The following TP53I11 variants were observed in gnomAD, a reference collection of about 807,000 sequenced individuals.
TP53I11 encodes the protein tumor protein p53 inducible protein 11.
Under a neutral mutation model 23.3 loss-of-function variants are expected in TP53I11, and 9 were observed. That is an observed-to-expected ratio of 0.39 (90% CI 0.23 to 0.67). The LOEUF (loss-of-function observed/expected upper bound fraction) is 0.67, where lower values mean the gene tolerates loss of function less well. Ranked by LOEUF, TP53I11 falls within the 30% of genes least tolerant of loss-of-function variation. TP53I11 has a pLI of 0.48. For synonymous variants in TP53I11, 100 were observed against 106.1 expected, an observed-to-expected ratio of 0.94 and a Z score of 0.35; for missense variants, 170 against 255.2, an observed-to-expected ratio of 0.67 and a Z score of 2.27.
chr11:44,935,196 G>A lies in TP53I11; in HGVS notation c.437-179C>T, dbSNP rs528319328. Among the ~76,000 whole-genome samples, 7 of 152,328 alleles carry A rather than the reference G, an allele frequency of 4.6e-5. No individual in the cohort carries two copies. In the East Asian group the frequency reaches 1.4e-3, roughly 29 times the overall value. ...CCCTGCCAACCCCACAGATGTTTCT[G>A]CTCTGATGTCTCCCATGTGGCAGGA... On this transcript the variant is annotated intron_variant, in intron 6 of 6. Coordinates refer to ENST00000525680, the MANE Select transcript of TP53I11 (RefSeq NM_006034.5).
chr11:44,943,508 C>T (rs1264577524), intron 1 of TP53I11, among the ~76,000 whole-genome samples: 1 of 152,220 alleles, frequency 6.6e-6, no homozygotes, highest in Non-Finnish European at 1.5e-5. Flanking sequence ...GCTGCTCTCG[C>T]CCACATTCCC....
chr11:44,941,062 C>G (rs1348472263), intron 1 of TP53I11: 1 of 152,176 alleles, frequency 6.6e-6, no homozygotes, highest in Non-Finnish European at 1.5e-5. Flanking sequence ...TGAAATGGAG[C>G]CATCATTCCC....
chr11:44,935,510 C>T, intron 6 of TP53I11, 51 bp downstream of exon 6: 1 of 1,553,730 alleles, frequency 6.4e-7, no homozygotes, highest in Non-Finnish European at 8.9e-7. Context: ...GCAGGCAGGT[C>T]AGGGGCGAAG....
At chr11:44,937,160 T>A in intron 4 of TP53I11, 144 bp downstream of exon 4, 1 of 1,038,940 alleles carries the variant, frequency 9.6e-7, no homozygotes, top group Non-Finnish European at 1.4e-6. Flanking sequence ...AGTGTAGGAG[T>A]CAGGTTCTCG....
intron 5 of TP53I11, chr11:44,935,959 G>A: frequency 2.1e-6 from 1 of 474,068 alleles, no homozygotes; most frequent in Non-Finnish European, 3.8e-6. Context: ...GGAGGACTGA[G>A]CCCCTGGCCC....
chr11:44,948,940 C>A (rs761578388), intron 1 of TP53I11, among the ~76,000 whole-genome samples: 5 of 152,212 alleles, frequency 3.3e-5, no homozygotes, highest in Non-Finnish European at 7.3e-5. Context: ...AGTCCTAGAA[C>A]TGGCAGGTCA....
At position 44,950,778 on chromosome 11, in the gene TP53I11, T is replaced by TGCAGGGCAGGGCAGGGCAGG. The variant is rs1204368905; in HGVS notation, c.-153_-134dup. The TGCAGGGCAGGGCAGGGCAGG allele has an allele frequency of 7.1e-6, 1 of 140,254 alleles. No individual in the cohort carries two copies. Among genetic ancestry groups the TGCAGGGCAGGGCAGGGCAGG allele is most frequent in the African/African-American group, 3.0e-5 (1 of 33,488 alleles). 8.7% of individuals were successfully genotyped at this position (140,254 alleles called of 1,614,324 possible). ...GCGCCGCCCGTGCCGGGCCGGGCAG[T>TGCAGGGCAGGGCAGGGCAGG]GCAGGGCAGGGCAGGGCAGGGCAGG... On this transcript the variant is annotated 5_prime_UTR_variant, in exon 1 of 7. Transcript: ENST00000525680.
At chr11:44,942,238 A>AC (rs1218572827) in intron 1 of TP53I11, among the ~76,000 whole-genome samples, 2 of 114,946 alleles carry the variant, frequency 1.7e-5, no homozygotes, top group Non-Finnish European at 3.8e-5. Flanking sequence ...CCTACCACAC[A>AC]CCACACACAC....
intron 2 of TP53I11, 109 bp from the exon 3 acceptor site, chr11:44,937,722 A>G (rs1176506078): frequency 8.4e-7 from 1 of 1,189,746 alleles, no homozygotes; most frequent in Non-Finnish European, 1.2e-6. Context: ...TGGGCACCTC[A>G]GCTTGGCCAA....
At chr11:44,937,085 G>A in intron 4 of TP53I11, 186 bp from the exon 5 acceptor site, 1 of 753,446 alleles carries the variant, frequency 1.3e-6, no homozygotes, top group South Asian at 1.7e-5. Flanking sequence ...CAGGGTTCCT[G>A]GGAGAAGGAG....
At chr11:44,941,711 G>T (rs184089181) in intron 1 of TP53I11, among the ~76,000 whole-genome samples, 2 of 152,216 alleles carry the variant, frequency 1.3e-5, no homozygotes, top group East Asian at 3.9e-4. Flanking sequence ...CTCCCATGTG[G>T]CAGTGGCACC....
In TP53I11 at chr11:44,947,043, C is replaced by T. The variant is rs575924245; in HGVS notation, c.-32+3634G>A. 7 of 456,370 alleles carry T rather than the reference C, an allele frequency of 1.5e-5. No individual in the cohort carries two copies. The East Asian group carries it at 4.2e-4, about 27-fold the overall frequency. The allele number at this position is 456,370 out of a possible 1,614,324, so 28.3% of individuals were successfully genotyped here. On this transcript the variant is annotated intron_variant, in intron 1 of 6. Transcript: ENST00000525680. ...ACAAATATGAACATTCCTTACTGTG[C>T]TGAAGAGGGCGAGAGGTCAGGGCAG...
At chr11:44,941,471 C>G (rs1861748115) in intron 1 of TP53I11, among the ~76,000 whole-genome samples, 1 of 152,170 alleles carries the variant, frequency 6.6e-6, no homozygotes, top group Non-Finnish European at 1.5e-5. Flanking sequence ...ATTTGAATCC[C>G]AGATCCATCA....
intron 1 of TP53I11, 113 bp from the exon 2 acceptor site, chr11:44,938,479 C>T (rs1413660725): frequency 1.0e-5 from 13 of 1,267,486 alleles, no homozygotes; most frequent in Non-Finnish European, 1.3e-5. Context: ...TGAGGCCTCC[C>T]CACGAGCCCA....
chr11:44,935,899 C>T (rs937808479), intron 5 of TP53I11: 1 of 582,082 alleles, frequency 1.7e-6, no homozygotes, highest in Non-Finnish European at 3.1e-6. Context: ...CCCTATGTGA[C>T]ACTGGGCGAG....
At chr11:44,937,920 G>T (rs1385501794) in intron 2 of TP53I11, among the ~76,000 whole-genome samples, 2 of 152,182 alleles carry the variant, frequency 1.3e-5, no homozygotes, top group South Asian at 2.1e-4. Context: ...TAACCTCTCT[G>T]AGCCTTTGTT....
chr11:44,951,207 C>G (rs1862924017), upstream of TP53I11: 1 of 152,536 alleles, frequency 6.6e-6, no homozygotes, highest in Non-Finnish European at 1.5e-5. Flanking sequence ...GATGGGCAAA[C>G]CACACCATCT....
intron 1 of TP53I11, among the ~76,000 whole-genome samples, chr11:44,942,651 G>A (rs1013618968): frequency 6.6e-6 from 1 of 152,202 alleles, no homozygotes; most frequent in African/African-American, 2.4e-5. Context: ...AGACATCTGA[G>A]CTGGTGGGAA....
Position 44,938,288 on chromosome 11 carries a change from C to A in TP53I11, c.48G>T (p.Thr16=), listed in dbSNP as rs148511543. 6.2e-7 allele frequency: 1 copy of A among 1,612,418 alleles called. No homozygotes were observed. Among genetic ancestry groups the A allele is most frequent in the African/African-American group, 1.3e-5 (1 of 74,884 alleles). Residue 16 remains threonine, a synonymous_variant, in exon 2 of 7, where the codon ACG becomes ACT. Transcript: ENST00000525680. ...GGGTCTTCAGGCGGCTCACGAGGTCCGTCTGGCTGTGCTTCTTCATCAGAG... is the reference window on the plus strand; with the variant it reads ...GGGTCTTCAGGCGGCTCACGAGGTCAGTCTGGCTGTGCTTCTTCATCAGAG... The part of the protein sequence containing the change: ...PPPLMKKHSQ[T]DLVSRLKTRK...
Sources: allele counts gnomAD v4.1 joint callset (sites outside exome capture counted in the v4.1 genomes callset), GRCh38; gene constraint gnomAD v4.1.1; transcripts MANE v1.5; gene names NCBI Gene and HGNC (gene_info 2026-07-23, HGNC 2026-07-21).